The following PPP1R9A variants were observed in gnomAD, a reference collection of about 807,000 sequenced individuals.
PPP1R9A encodes protein phosphatase 1 regulatory subunit 9A.
A neutral mutation model predicts 141.9 loss-of-function variants in PPP1R9A; 59 were observed. The ratio of observed to expected loss-of-function variants is 0.42; its 90% confidence interval spans 0.34 to 0.52. The LOEUF is 0.52. Ranked by LOEUF, PPP1R9A falls within the 20% of genes least tolerant of loss-of-function variation. The probability of loss-of-function intolerance (pLI) is 0.10; values close to 1 mark genes in which losing one functional copy is unlikely to be tolerated. For synonymous variants in PPP1R9A, 500 were observed against 569.7 expected, an observed-to-expected ratio of 0.88 and a Z score of 1.74; for missense variants, 1,444 against 1,611.9, an observed-to-expected ratio of 0.90 and a Z score of 1.78.
At chr7:95,161,297 T>C (rs1013070566) in intron 4 of PPP1R9A, among the ~76,000 whole-genome samples, 3 of 152,210 alleles carry the variant, frequency 2.0e-5, no homozygotes, top group Admixed American at 1.3e-4. Context: ...CATTGTTTTA[T>C]GTTTGTTGGT....
intron 17 of PPP1R9A, among the ~76,000 whole-genome samples, chr7:95,284,624 T>G (rs1417433683): frequency 6.6e-6 from 1 of 152,216 alleles, no homozygotes; most frequent in Admixed American, 6.5e-5. Flanking sequence ...AGCAAATAAA[T>G]TTGGGACTGA....
intron 2 of PPP1R9A, chr7:95,098,294 A>C (rs532628520): frequency 6.6e-6 from 1 of 152,238 alleles, no homozygotes; most frequent in African/African-American, 2.4e-5. Context: ...CTAATTGAAG[A>C]CTTTTCCCAA....
At chr7:94,931,005 G>A (rs1794086956) in intron 2 of PPP1R9A, among the ~76,000 whole-genome samples, 1 of 152,120 alleles carries the variant, frequency 6.6e-6, no homozygotes, top group African/African-American at 2.4e-5. Context: ...GAAGATTAAT[G>A]TTGCCTTCTG....
In PPP1R9A at chr7:95,013,683, T is replaced by C. The variant is rs17166574; in HGVS notation, c.1396-97576T>C. Among the ~76,000 whole-genome samples, 581 of 152,240 alleles carry C rather than the reference T, an allele frequency of 3.8e-3. 22 individuals are homozygous for C. Among genetic ancestry groups the C allele is most frequent in the East Asian group, 0.034 (177 of 5,182 alleles). ...TTCATTTGGAAATAATTAGTGCTTG[T>C]GCTTATTAATTAAGAAATTATTTAG... On this transcript the variant is annotated intron_variant, in intron 2 of 19. Transcript: ENST00000433360.
In PPP1R9A at chr7:95,290,082, C is replaced by G; in HGVS notation, c.3913-9C>G. 2 of 1,611,870 alleles carry G rather than the reference C, an allele frequency of 1.2e-6. No individual in the cohort carries two copies. The highest frequency in any genetic ancestry group is 1.7e-6 in the Non-Finnish European group (2 of 1,179,380). On this transcript the variant is annotated splice_polypyrimidine_tract_variant and intron_variant, in intron 19 of 19. Coordinates refer to ENST00000433360, the MANE Select transcript of PPP1R9A (RefSeq NM_001166160.2). ...TCAAATTCAGTTTGTGTGTGTGTTTCTTTCTTAGGCTCTTGGAATGACAGC... is the reference window on the plus strand; with the variant it reads ...TCAAATTCAGTTTGTGTGTGTGTTTGTTTCTTAGGCTCTTGGAATGACAGC...
chr7:95,283,897 C>G (rs1310018513), intron 16 of PPP1R9A, 121 bp from the exon 17 acceptor site: 1 of 861,084 alleles, frequency 1.2e-6, no homozygotes, highest in South Asian at 2.0e-5. Flanking sequence ...AAACTTTTTA[C>G]TCTGTTGAAT....
intron 8 of PPP1R9A, among the ~76,000 whole-genome samples, chr7:95,233,709 G>T (rs1398263495): frequency 6.6e-6 from 1 of 151,866 alleles, no homozygotes; most frequent in Admixed American, 6.6e-5. Context: ...ACCCAAACCG[G>T]GAAGGGACAT....
chr7:95,102,204 T>C (rs1170997584), intron 2 of PPP1R9A, among the ~76,000 whole-genome samples: 1 of 152,214 alleles, frequency 6.6e-6, no homozygotes, highest in Non-Finnish European at 1.5e-5. Context: ...TAATAATATC[T>C]TCTAGATAGA....
At chr7:95,270,906 G>T (rs1802066951) in intron 14 of PPP1R9A, among the ~76,000 whole-genome samples, 1 of 152,018 alleles carries the variant, frequency 6.6e-6, no homozygotes, top group Admixed American at 6.6e-5. Flanking sequence ...TAAAAGCATT[G>T]GGCCTCTGCA....
At chr7:95,089,066 C>T (rs180893769) in intron 2 of PPP1R9A, among the ~76,000 whole-genome samples, 3 of 152,024 alleles carry the variant, frequency 2.0e-5, no homozygotes, top group Non-Finnish European at 4.4e-5. Flanking sequence ...ACCATGCCAA[C>T]GTCTATTTAT....
chr7:95,154,129 A>T lies in PPP1R9A; in HGVS notation c.1650-7738A>T, dbSNP rs569980691. On this transcript the variant is annotated intron_variant, in intron 4 of 19. Transcript: ENST00000433360. Reference sequence around the variant, plus strand: ...TTTTAGTTGTGGTTTTTTTCTTTGTATTTTTTTTTATGTAGAGTTTATGGG... The same window carrying T: ...TTTTAGTTGTGGTTTTTTTCTTTGTTTTTTTTTTTATGTAGAGTTTATGGG... Among the ~76,000 whole-genome samples, 27 of 144,578 alleles carry T rather than the reference A, an allele frequency of 1.9e-4. No homozygotes were observed. The South Asian group carries it at 5.1e-3, about 27-fold the overall frequency. 94.8% of individuals were successfully genotyped at this position (144,578 alleles called of 152,430 possible).
chr7:94,950,073 A>G (rs1796309270), intron 2 of PPP1R9A, among the ~76,000 whole-genome samples: 1 of 152,084 alleles, frequency 6.6e-6, no homozygotes, highest in Non-Finnish European at 1.5e-5. Context: ...CTATTGCACA[A>G]GAAGAATAAG....
chr7:95,107,615 T>C (rs1013910983), intron 2 of PPP1R9A, among the ~76,000 whole-genome samples: 5 of 152,132 alleles, frequency 3.3e-5, no homozygotes, highest in Non-Finnish European at 5.9e-5. Flanking sequence ...ACCACTCTAA[T>C]TTGAATAGAA....
At chr7:95,234,682 TCA>T (rs1166450940) in intron 8 of PPP1R9A, among the ~76,000 whole-genome samples, 3 of 152,018 alleles carry the variant, frequency 2.0e-5, no homozygotes, top group Non-Finnish European at 2.9e-5. Flanking sequence ...GGACTAAAAT[TCA>T]TATGGAACCA....
At chr7:95,281,073 G>GT (rs1804135856) in intron 16 of PPP1R9A, among the ~76,000 whole-genome samples, 1 of 152,076 alleles carries the variant, frequency 6.6e-6, no homozygotes, top group Non-Finnish European at 1.5e-5. Flanking sequence ...CAAAAATTTC[G>GT]TTTTTTAAAT....
chr7:95,135,506 GTTCT>G (rs1427555728), intron 4 of PPP1R9A, among the ~76,000 whole-genome samples: 6 of 152,034 alleles, frequency 3.9e-5, no homozygotes, highest in Admixed American at 6.5e-5. Context: ...GATCTAGTTT[GTTCT>G]TTCTTTATTT....
chr7:95,295,897 T>G lies in PPP1R9A; in HGVS notation c.*5594T>G, dbSNP rs1188827629. The G allele has an allele frequency of 6.5e-6, 1 of 152,672 alleles. No homozygotes were observed. The highest frequency in any genetic ancestry group is 6.5e-5 in the Admixed American group (1 of 15,288). The allele number at this position is 152,672 out of a possible 1,614,324, so 9.5% of individuals were successfully genotyped here. A position where few individuals can be genotyped will look rare whatever the true frequency, so the allele number is the denominator to read the frequency against. Reference sequence around the variant, plus strand: ...AACATTATTTAATATAACTACTGCTTTTATATTTTTTAATGGTGTTGCAAC... The same window carrying G: ...AACATTATTTAATATAACTACTGCTGTTATATTTTTTAATGGTGTTGCAAC... On this transcript the variant is annotated 3_prime_UTR_variant, in exon 20 of 20. Transcript: ENST00000433360.
intron 2 of PPP1R9A, among the ~76,000 whole-genome samples, chr7:94,925,791 C>T (rs958658147): frequency 6.6e-6 from 1 of 151,956 alleles, no homozygotes; most frequent in Non-Finnish European, 1.5e-5. Context: ...CCCCTCCCCC[C>T]ACCTGAAGGT....
chr7:95,195,253 T>C (rs1836075505), intron 5 of PPP1R9A, among the ~76,000 whole-genome samples: 1 of 151,726 alleles, frequency 6.6e-6, no homozygotes, highest in Non-Finnish European at 1.5e-5. Flanking sequence ...AGGCAGAGGC[T>C]TTTTAGATAG....
Sources: allele counts gnomAD v4.1 joint callset (sites outside exome capture counted in the v4.1 genomes callset), GRCh38; gene constraint gnomAD v4.1.1; transcripts MANE v1.5; gene names NCBI Gene and HGNC (gene_info 2026-07-23, HGNC 2026-07-21).